The following CCDC25 variants were observed in gnomAD, a reference collection of about 807,000 sequenced individuals.
CCDC25 encodes coiled-coil domain containing 25.
Under a neutral mutation model 35.3 loss-of-function variants are expected in CCDC25, and 16 were observed. The observed-to-expected ratio is 0.45, with a 90% confidence interval of 0.31 to 0.69. The LOEUF (loss-of-function observed/expected upper bound fraction) is 0.69, where lower values mean the gene tolerates loss of function less well. Among genes scored for constraint, CCDC25 ranks in the 30% least tolerant of loss-of-function variants. The pLI is 0.06. For synonymous variants in CCDC25, 79 were observed against 80.3 expected, an observed-to-expected ratio of 0.98 and a Z score of 0.09; for missense variants, 179 against 250.7, an observed-to-expected ratio of 0.71 and a Z score of 1.93.
At chr8:27,753,249 G>A (rs1048645248) in intron 4 of CCDC25, among the ~76,000 whole-genome samples, 1 of 152,196 alleles carries the variant, frequency 6.6e-6, no homozygotes, top group Non-Finnish European at 1.5e-5. Context: ...TGGTGAGTAA[G>A]CAGCAGAACC....
intron 1 of CCDC25, among the ~76,000 whole-genome samples, chr8:27,766,484 G>C (rs1342466313): frequency 1.3e-5 from 2 of 152,078 alleles, no homozygotes; most frequent in Non-Finnish European, 2.9e-5. Context: ...GTTGAGAAAA[G>C]TACCTTGAAA....
At position 27,748,277 on chromosome 8, in the gene CCDC25, T is replaced by C; in HGVS notation, c.351A>G (p.Val117=). 1 of 1,612,790 alleles carries C rather than the reference T, an allele frequency of 6.2e-7. No homozygotes were observed. The highest frequency in any genetic ancestry group is 1.3e-5 in the African/African-American group (1 of 74,968). Reference sequence around the variant, plus strand: ...CTTTCTTCTCCACTGTCACAATTTTTACCTTTAAGGGAGATAGGAGAAAAG... The same window carrying C: ...CTTTCTTCTCCACTGTCACAATTTTCACCTTTAAGGGAGATAGGAGAAAAG... ...GQIGFHRQKD[V]KIVTVEKKVN... Residue 117 remains valine, a splice_region_variant and synonymous_variant, in exon 7 of 9, where the codon GTA becomes GTG. Coordinates refer to ENST00000356537, the MANE Select transcript of CCDC25 (RefSeq NM_018246.3).
intron 4 of CCDC25, 80 bp from the exon 5 acceptor site, chr8:27,752,667 T>C: frequency 9.7e-7 from 1 of 1,030,510 alleles, no homozygotes; most frequent in Non-Finnish European, 1.5e-6. Context: ...ATTTGCTGCC[T>C]TACCTACTAG....
At position 27,737,873 on chromosome 8, in the gene CCDC25, T is replaced by TACACACACACACACACAC. The variant is rs1205509698; in HGVS notation, c.598-1629_598-1628insGTGTGTGTGTGTGTGTGT. On this transcript the variant is annotated intron_variant, in intron 8 of 8. Transcript: ENST00000356537. This position sits in a 1 kb window ranked among gnomAD's most constrained non-coding sequence, Gnocchi z 4.6. The stretch of plus-strand genomic sequence containing the variant: ...GTGGATAAAGAAACTGTGGTGTGTG[T>TACACACACACACACACAC]ATACACACACTCACACACACACACA... 1.9e-5 allele frequency among the ~76,000 whole-genome samples: 2 copies of TACACACACACACACACAC among 107,530 alleles called. No individual in the cohort carries two copies. Among genetic ancestry groups the TACACACACACACACACAC allele is most frequent in the African/African-American group, 7.9e-5 (2 of 25,474 alleles). The allele number at this position is 107,530 out of a possible 152,430, so 70.5% of individuals were successfully genotyped here.
intron 1 of CCDC25, among the ~76,000 whole-genome samples, chr8:27,769,060 TA>T: frequency 6.6e-6 from 1 of 152,352 alleles, no homozygotes; most frequent in Middle Eastern, 3.4e-3. Flanking sequence ...TTTTATGCAG[TA>T]AAAACCATCA....
intron 1 of CCDC25, among the ~76,000 whole-genome samples, chr8:27,770,829 T>A (rs965059610): frequency 2.0e-5 from 3 of 151,844 alleles, no homozygotes; most frequent in African/African-American, 7.3e-5. Flanking sequence ...TATAAGTAAG[T>A]AAAAAAATGG....
intron 5 of CCDC25, among the ~76,000 whole-genome samples, chr8:27,750,952 C>T (rs190944340): frequency 3.7e-4 from 57 of 152,182 alleles, no homozygotes; most frequent in Non-Finnish European, 6.8e-4. Context: ...CTCATAGCAA[C>T]GACCATTTTC....
chr8:27,744,594 A>G (rs1362526921), intron 7 of CCDC25, among the ~76,000 whole-genome samples: 1 of 152,210 alleles, frequency 6.6e-6, no homozygotes, highest in Non-Finnish European at 1.5e-5. Flanking sequence ...TCTATTCCCC[A>G]ATATTCCACA....
rs372531856 is a variant in CCDC25 at position 27,738,419 on chromosome 8, A to C, written c.597+2053T>G. On this transcript the variant is annotated intron_variant, in intron 8 of 8. Coordinates refer to ENST00000356537, the MANE Select transcript of CCDC25 (RefSeq NM_018246.3). The stretch of plus-strand genomic sequence containing the variant: ...AACACCCAGTGCAAAACTTCCTTGG[A>C]ATCTTGAACTTGATTCATACTTGGA... Among the ~76,000 whole-genome samples, 90 of 152,324 alleles carry C rather than the reference A, an allele frequency of 5.9e-4. No homozygotes were observed. In the East Asian group the frequency reaches 0.013, roughly 23 times the overall value.
At chr8:27,751,462 A>G (rs1253641416) in intron 5 of CCDC25, among the ~76,000 whole-genome samples, 1 of 152,206 alleles carries the variant, frequency 6.6e-6, no homozygotes, top group Non-Finnish European at 1.5e-5. Context: ...CGCATCATTC[A>G]GGCAGCCTAA....
chr8:27,751,178 A>C (rs949140864), intron 5 of CCDC25, among the ~76,000 whole-genome samples: 1 of 152,210 alleles, frequency 6.6e-6, no homozygotes, highest in Admixed American at 6.5e-5. Flanking sequence ...AAGGCCTCCA[A>C]AGCTCTTTTA....
chr8:27,760,593 G>A (rs563609273), intron 3 of CCDC25, among the ~76,000 whole-genome samples: 118 of 152,286 alleles, frequency 7.7e-4, no homozygotes, highest in Non-Finnish European at 1.5e-3. Flanking sequence ...TATGTGCCAG[G>A]ACCTATGCTA....
intron 1 of CCDC25, among the ~76,000 whole-genome samples, chr8:27,766,574 C>T (rs989990580): frequency 7.9e-5 from 12 of 151,946 alleles, no homozygotes; most frequent in African/African-American, 2.4e-4. Flanking sequence ...CTTAGTGTAG[C>T]GTGTAACAAA....
chr8:27,756,941 C>G (rs2128942858), intron 3 of CCDC25, among the ~76,000 whole-genome samples, 171 bp from the exon 4 acceptor site: 1 of 152,224 alleles, frequency 6.6e-6, no homozygotes, highest in South Asian at 2.1e-4. Flanking sequence ...CTCCCCATCA[C>G]CATGAAGAGG....
chr8:27,754,790 G>A (rs2128941913), intron 4 of CCDC25, among the ~76,000 whole-genome samples: 1 of 152,292 alleles, frequency 6.6e-6, no homozygotes, highest in East Asian at 1.9e-4. Flanking sequence ...TGTTTTGATT[G>A]GAAATGGTTT....
chr8:27,748,883 G>GTT (rs34276982), intron 5 of CCDC25, among the ~76,000 whole-genome samples: 3 of 151,360 alleles, frequency 2.0e-5, no homozygotes, highest in African/African-American at 4.9e-5. Context: ...TTATCATTGA[G>GTT]TTTTTTTTTC....
At chr8:27,745,078 C>A (rs1350414129) in intron 7 of CCDC25, among the ~76,000 whole-genome samples, 1 of 152,150 alleles carries the variant, frequency 6.6e-6, no homozygotes, top group Non-Finnish European at 1.5e-5. Context: ...TCACTGCAGC[C>A]TCAGCCAACA....
chr8:27,757,944 T>C (rs1405851758), intron 3 of CCDC25, among the ~76,000 whole-genome samples: 2 of 152,176 alleles, frequency 1.3e-5, no homozygotes, highest in East Asian at 3.9e-4. Flanking sequence ...ACCCTGCTCC[T>C]GCCATGTAAG....
At chr8:27,744,113 A>G (rs7823486) in intron 7 of CCDC25, among the ~76,000 whole-genome samples, 130,670 of 152,200 alleles carry the variant, frequency 0.86, 56,379 homozygotes, top group Non-Finnish European at 0.9. Flanking sequence ...ACTGTGTTTT[A>G]GTTTTTAAGT....
Sources: gnomAD v4.1 joint callset for allele counts (sites outside exome capture counted in the v4.1 genomes callset) on GRCh38, gnomAD v4.1.1 for gene constraint, Gnocchi (gnomAD v3.1) non-coding constraint, MANE v1.5 for transcripts, NCBI Gene and HGNC (gene_info 2026-07-23, HGNC 2026-07-21) for gene names.